The following ANKRD13A variants were observed in gnomAD, a reference collection of about 807,000 sequenced individuals.
The protein encoded by ANKRD13A is ankyrin repeat domain 13A.
ANKRD13A carries 48 observed loss-of-function variants against 81.3 expected under a neutral mutation model. The observed-to-expected ratio is 0.59, with a 90% CI of 0.47 to 0.75. The LOEUF (loss-of-function observed/expected upper bound fraction) is 0.75, where lower values mean the gene tolerates loss of function less well. Ranked by LOEUF, ANKRD13A falls within the 30% of genes least tolerant of loss-of-function variation. The pLI is 0.00. For synonymous variants in ANKRD13A, 230 were observed against 270.1 expected, an observed-to-expected ratio of 0.85 and a Z score of 1.45; for missense variants, 612 against 734.0, an observed-to-expected ratio of 0.83 and a Z score of 1.92.
intron 8 of ANKRD13A, among the ~76,000 whole-genome samples, chr12:110,026,348 C>G (rs566121592): frequency 6.6e-6 from 1 of 150,484 alleles, no homozygotes; most frequent in Non-Finnish European, 1.5e-5. Flanking sequence ...CCAATGTGGG[C>G]GAGTCACCTG....
At chr12:110,010,847 C>T (rs1321790041) in intron 1 of ANKRD13A, among the ~76,000 whole-genome samples, 3 of 152,190 alleles carry the variant, frequency 2.0e-5, no homozygotes, top group South Asian at 2.1e-4. Flanking sequence ...GCACTTTCTG[C>T]GTATCTTCAG....
At chr12:110,014,046 T>TTA (rs1170985034) in intron 3 of ANKRD13A, among the ~76,000 whole-genome samples, 1 of 152,172 alleles carries the variant, frequency 6.6e-6, no homozygotes, top group African/African-American at 2.4e-5. Flanking sequence ...TTCGAGACCT[T>TTA]TAGTCCATTG....
intron 12 of ANKRD13A, chr12:110,032,161 G>C (rs1029961295): frequency 6.6e-6 from 1 of 152,150 alleles, no homozygotes; most frequent in African/African-American, 2.4e-5. Context: ...AAGGATTGTT[G>C]TGCCATTAGG....
At chr12:110,028,716 G>T (rs777644910) in intron 10 of ANKRD13A, 74 bp downstream of exon 10, 55 of 1,589,120 alleles carry the variant, frequency 3.5e-5, no homozygotes, top group Non-Finnish European at 4.6e-5. Context: ...TGTTATGTTG[G>T]ATCATTCCAC....
In ANKRD13A at chr12:110,039,388, A is replaced by C. The variant is rs1385072416; in HGVS notation, c.*1834A>C. ...GTTTTTCATATATGTGTTCACTCTA[A>C]AAATGCAAATAAAGACTGCTTCCTT... On this transcript the variant is annotated 3_prime_UTR_variant, in exon 15 of 15. Transcript: ENST00000261739. The C allele has an allele frequency of 6.6e-6, 1 of 152,194 alleles. No individual in the cohort carries two copies. Among genetic ancestry groups the C allele is most frequent in the African/African-American group, 2.4e-5 (1 of 41,444 alleles). The allele number at this position is 152,194 out of a possible 1,614,324, so 9.4% of individuals were successfully genotyped here.
chr12:110,001,967 G>T (rs1890004097), intron 1 of ANKRD13A, among the ~76,000 whole-genome samples: 1 of 151,740 alleles, frequency 6.6e-6, no homozygotes, highest in Non-Finnish European at 1.5e-5. Context: ...TGGTTTTTAG[G>T]AATCTACTTC....
At chr12:110,037,073 G>A (rs1892103160) in intron 14 of ANKRD13A, among the ~76,000 whole-genome samples, 1 of 152,214 alleles carries the variant, frequency 6.6e-6, no homozygotes, top group Non-Finnish European at 1.5e-5. Context: ...TATACTTAAG[G>A]TGTCTATGAG....
Position 110,024,069 on chromosome 12 carries a change from G to A in ANKRD13A, c.758G>A (p.Trp253Ter). ...AGAACTAAATCCGGATTCTGGGGCT[G>A]GAGGACAGATAAAGCAGAAGTTGTT... ...FERTKSGFWG[W>*]RTDKAEVVNG... Residue 253 changes from tryptophan (W) to a stop codon, truncating the protein, a stop_gained, in exon 7 of 15, where the codon TGG (tryptophan) becomes TAG (stop). Coordinates refer to ENST00000261739, the MANE Select transcript of ANKRD13A (RefSeq NM_033121.2). LOFTEE classifies it high-confidence loss of function. The A allele has an allele frequency of 1.2e-6, 2 of 1,613,288 alleles. No homozygotes were observed. The highest frequency in any genetic ancestry group is 1.7e-6 in the Non-Finnish European group (2 of 1,179,770).
intron 9 of ANKRD13A, 185 bp downstream of exon 9, chr12:110,027,951 G>A (rs1891438241): frequency 1.7e-6 from 1 of 593,128 alleles, no homozygotes; most frequent in Non-Finnish European, 3.0e-6. Context: ...AAATAAATAA[G>A]GATTTTAGAG....
At chr12:110,003,379 G>A (rs571268798) in intron 1 of ANKRD13A, among the ~76,000 whole-genome samples, 86 of 152,348 alleles carry the variant, frequency 5.6e-4, no homozygotes, top group South Asian at 2.7e-3. Context: ...CATGGGCTAG[G>A]CATCCAAGAT....
rs768387377 is a variant in ANKRD13A at position 110,018,424 on chromosome 12, A to G, written c.480A>G (p.Thr160=). The G allele has an allele frequency of 3.7e-6, 6 of 1,614,102 alleles. No homozygotes were observed. The highest frequency in any genetic ancestry group is 3.3e-5 in the South Asian group (3 of 91,078). The part of the protein sequence containing the change: ...KSGAKLRVDI[T]LLGFENMSWI... ...GTGCCAAACTGCGCGTCGATATCAC[A>G]TTGCTGGGATTTGAAAACATGAGCT... is the stretch of plus-strand genomic sequence containing the variant. Residue 160 remains threonine, a synonymous_variant, in exon 5 of 15, where the codon ACA becomes ACG. Coordinates refer to ENST00000261739, the MANE Select transcript of ANKRD13A (RefSeq NM_033121.2). The surrounding 1 kb of genome is among the most constrained non-coding windows in gnomAD (Gnocchi z 4.4).
At chr12:110,023,246 G>A (rs1032194665) in intron 6 of ANKRD13A, among the ~76,000 whole-genome samples, 1 of 152,146 alleles carries the variant, frequency 6.6e-6, no homozygotes, top group African/African-American at 2.4e-5. Context: ...CCCAGGGCAA[G>A]CTGCTTTGAA....
intron 1 of ANKRD13A, among the ~76,000 whole-genome samples, chr12:110,007,271 T>C (rs1233790615): frequency 6.6e-6 from 1 of 152,248 alleles, no homozygotes; most frequent in Non-Finnish European, 1.5e-5. Context: ...ATTGAATCTA[T>C]ACCTCAGTTT....
intron 7 of ANKRD13A, 122 bp from the exon 8 acceptor site, chr12:110,025,620 T>C: frequency 4.2e-6 from 3 of 714,590 alleles, no homozygotes; most frequent in Non-Finnish European, 7.3e-6. Flanking sequence ...AGTTAACCAT[T>C]TCTCATTTTT....
intron 3 of ANKRD13A, 84 bp downstream of exon 3, chr12:110,013,333 C>A: frequency 6.5e-7 from 1 of 1,536,944 alleles, no homozygotes; most frequent in Non-Finnish European, 8.9e-7. Flanking sequence ...TCCTTGTGTG[C>A]CTTCCTAAAG....
chr12:110,024,222 G>A (rs975203998), intron 7 of ANKRD13A, 110 bp downstream of exon 7: 116 of 949,442 alleles, frequency 1.2e-4, no homozygotes, highest in Non-Finnish European at 5.9e-5. Flanking sequence ...ATGCTCTGGG[G>A]AATGAGAACT....
intron 1 of ANKRD13A, among the ~76,000 whole-genome samples, chr12:110,003,852 G>A (rs900191873): frequency 6.6e-6 from 1 of 151,944 alleles, no homozygotes; most frequent in Admixed American, 6.6e-5. Flanking sequence ...GTAAGACTCC[G>A]TCTCCTTAAA....
intron 5 of ANKRD13A, 106 bp from the exon 6 acceptor site, chr12:110,019,033 C>T: frequency 8.2e-7 from 1 of 1,219,876 alleles, no homozygotes; most frequent in East Asian, 2.4e-5. Context: ...CCAGATAGCA[C>T]CTGGGAGGAC....
intron 12 of ANKRD13A, among the ~76,000 whole-genome samples, chr12:110,031,742 T>C (rs1032787593): frequency 2.0e-5 from 3 of 152,248 alleles, no homozygotes; most frequent in Non-Finnish European, 2.9e-5. Flanking sequence ...TTGCCATCAA[T>C]ACAATTCATG....
Sources: allele counts gnomAD v4.1 joint callset (sites outside exome capture counted in the v4.1 genomes callset), GRCh38; gene constraint gnomAD v4.1.1; non-coding constraint Gnocchi (gnomAD v3.1); transcripts MANE v1.5; gene names NCBI Gene and HGNC (gene_info 2026-07-23, HGNC 2026-07-21).